TLN2: variants seen among roughly 807,000 people sequenced by gnomAD.
TLN2 encodes talin 2.
In TLN2, 118 loss-of-function variants were observed where a neutral mutation model predicts 294.7. The observed-to-expected ratio is 0.40, with a 90% CI of 0.34 to 0.47. The LOEUF (loss-of-function observed/expected upper bound fraction) is 0.47. Ranked by LOEUF, TLN2 falls within the 20% of genes least tolerant of loss-of-function variation. The pLI, the probability that TLN2 is intolerant of heterozygous loss-of-function variation, is 0.84. For missense variants in TLN2, 3,083 were observed against 3,282.2 expected, an observed-to-expected ratio of 0.94 and a Z score of 1.48; for synonymous variants, 1,431 against 1,304.5, an observed-to-expected ratio of 1.10 and a Z score of -2.09.
chr15:62,648,104 G>A (rs1025968158), intron 4 of TLN2, among the ~76,000 whole-genome samples: 2 of 152,092 alleles, frequency 1.3e-5, no homozygotes, highest in Non-Finnish European at 2.9e-5. Context: ...TTAGGTGAAA[G>A]TCGGATGAAA....
chr15:62,430,191 T>G lies in TLN2; in HGVS notation c.-238+39506T>G, dbSNP rs903830693. Among the ~76,000 whole-genome samples the G allele has an allele frequency of 3.3e-5, 5 of 152,230 alleles. No individual in the cohort carries two copies. In the East Asian group the frequency reaches 9.6e-4, roughly 29 times the overall value. The stretch of plus-strand genomic sequence containing the variant: ...TTGTAAGCTAGCATTTATTGGTGTT[T>G]CAGAGGTGGAAAATTCCATTACAGT... On this transcript the variant is annotated intron_variant, in intron 1 of 58. Transcript: ENST00000636159.
In TLN2 at chr15:62,748,438, GC is replaced by G; in HGVS notation, c.4114del (p.Leu1372SerfsTer4). Reference protein sequence around the residue: ...QKECDNALRELETVKGMLDNP... With the variant: ...QKECDNALREXETVKGMLDNP... ...AAGAGTGCGATAATGCCCTGCGGGAGCTCGAGGTAGGTCCCTGGGAAGGCTG... is the reference window on the plus strand; with the variant it reads ...AAGAGTGCGATAATGCCCTGCGGGAGTCGAGGTAGGTCCCTGGGAAGGCTG... On this transcript the variant is annotated frameshift_variant, in exon 33 of 59. Coordinates refer to ENST00000636159, the MANE Select transcript of TLN2 (RefSeq NM_015059.3). LOFTEE classifies it high-confidence loss of function. 1 of 1,613,354 alleles carries G rather than the reference GC, an allele frequency of 6.2e-7. No individual in the cohort carries two copies.
chr15:62,817,161 A>G (rs1280284672), intron 52 of TLN2, among the ~76,000 whole-genome samples: 1 of 152,178 alleles, frequency 6.6e-6, no homozygotes, highest in Non-Finnish European at 1.5e-5. Context: ...ATGCCTAACT[A>G]AATTGCCTGC....
At position 62,707,072 on chromosome 15, in the gene TLN2, T is replaced by A; in HGVS notation, c.2005-14T>A. On this transcript the variant is annotated splice_polypyrimidine_tract_variant and intron_variant, in intron 19 of 58. Coordinates refer to ENST00000636159, the MANE Select transcript of TLN2 (RefSeq NM_015059.3). ...AGAAAAATAAATGAATAGTCTTTGATTCCCTTTTCTTAGGATGTTTTAATG... is the reference window on the plus strand; with the variant it reads ...AGAAAAATAAATGAATAGTCTTTGAATCCCTTTTCTTAGGATGTTTTAATG... 2 of 1,599,786 alleles carry A rather than the reference T, an allele frequency of 1.3e-6. No homozygotes were observed. The highest frequency in any genetic ancestry group is 3.4e-5 in the Admixed American group (2 of 59,258).
At chr15:62,648,884 A>G (rs866106697) in intron 4 of TLN2, among the ~76,000 whole-genome samples, 5 of 150,198 alleles carry the variant, frequency 3.3e-5, no homozygotes, top group Non-Finnish European at 5.9e-5. Context: ...TCGCTCTGTC[A>G]CTGGAGGCTG....
At chr15:62,817,853 C>G (rs1394289716) in intron 52 of TLN2, among the ~76,000 whole-genome samples, 1 of 132,898 alleles carries the variant, frequency 7.5e-6, no homozygotes, top group African/African-American at 2.9e-5. Flanking sequence ...GAGTCTCACT[C>G]TGTGGTCCAG....
At chr15:62,414,909 T>G (rs1239038781) in intron 1 of TLN2, among the ~76,000 whole-genome samples, 1 of 140,190 alleles carries the variant, frequency 7.1e-6, no homozygotes, top group Non-Finnish European at 1.5e-5. Flanking sequence ...TTTTTATTAT[T>G]TATTTATTTA....
At chr15:62,584,625 G>A (rs2045435777) in intron 1 of TLN2, among the ~76,000 whole-genome samples, 1 of 152,128 alleles carries the variant, frequency 6.6e-6, no homozygotes, top group African/African-American at 2.4e-5. Flanking sequence ...TAGCAGAGCT[G>A]GACTCTAATC....
intron 37 of TLN2, among the ~76,000 whole-genome samples, chr15:62,756,807 A>G (rs990563149): frequency 2.0e-5 from 3 of 152,034 alleles, no homozygotes; most frequent in African/African-American, 7.2e-5. Context: ...AGGAGAGAAC[A>G]CCCAGCCCAG....
chr15:62,536,405 T>A, intron 1 of TLN2, among the ~76,000 whole-genome samples: 1 of 152,238 alleles, frequency 6.6e-6, no homozygotes, highest in Non-Finnish European at 1.5e-5. Flanking sequence ...TTCTGATATC[T>A]TGTTTTTTCT....
chr15:62,490,943 G>C (rs1471566368), intron 1 of TLN2, among the ~76,000 whole-genome samples: 3 of 152,148 alleles, frequency 2.0e-5, no homozygotes, highest in Non-Finnish European at 4.4e-5. Flanking sequence ...CGTTGACATA[G>C]CCTTAGGAGA....
intron 1 of TLN2, among the ~76,000 whole-genome samples, chr15:62,564,925 A>AAAAAAT (rs759679956): frequency 2.0e-4 from 16 of 80,628 alleles, no homozygotes; most frequent in African/African-American, 6.7e-4. Context: ...AAAAAAAAAA[A>AAAAAAT]ATATATATAT....
At chr15:62,490,920 T>G (rs2038669980) in intron 1 of TLN2, among the ~76,000 whole-genome samples, 1 of 152,194 alleles carries the variant, frequency 6.6e-6, no homozygotes, top group South Asian at 2.1e-4. Context: ...TTGCCAAAGT[T>G]AAGGGTACAC....
chr15:62,610,480 C>G (rs897585315), intron 2 of TLN2, among the ~76,000 whole-genome samples: 1 of 152,162 alleles, frequency 6.6e-6, no homozygotes, highest in Admixed American at 6.5e-5. Flanking sequence ...GCTTATTTAA[C>G]ACATGCATTT....
intron 28 of TLN2, chr15:62,734,010 G>A (rs1018008600): frequency 2.6e-5 from 4 of 152,112 alleles, no homozygotes; most frequent in South Asian, 2.1e-4. Context: ...GCCTTCTTTC[G>A]TCCTTTTGAT....
chr15:62,836,131 A>G (rs2141258061), intron 57 of TLN2, 58 bp downstream of exon 57: 2 of 1,541,950 alleles, frequency 1.3e-6, no homozygotes, highest in Non-Finnish European at 1.7e-6. Context: ...AAGTGTCACC[A>G]GAGGGGACAA....
chr15:62,747,142 A>G (rs755937711), intron 32 of TLN2, among the ~76,000 whole-genome samples: 1 of 152,236 alleles, frequency 6.6e-6, no homozygotes, highest in Non-Finnish European at 1.5e-5. Context: ...ACGAATGGCC[A>G]TGACTTTCAA....
intron 1 of TLN2, among the ~76,000 whole-genome samples, chr15:62,498,776 A>G (rs913645418): frequency 3.3e-5 from 5 of 152,102 alleles, no homozygotes; most frequent in African/African-American, 1.2e-4. Flanking sequence ...ATAAATACTA[A>G]TCAGTCACCA....
intron 26 of TLN2, among the ~76,000 whole-genome samples, chr15:62,724,261 A>G (rs2060314273): frequency 6.6e-6 from 1 of 152,242 alleles, no homozygotes; most frequent in South Asian, 2.1e-4. Context: ...CTTGAGTAAT[A>G]GTGGCACATA....
Sources: allele counts gnomAD v4.1 joint callset (sites outside exome capture counted in the v4.1 genomes callset), GRCh38; gene constraint gnomAD v4.1.1; transcripts MANE v1.5; gene names NCBI Gene and HGNC (gene_info 2026-07-23, HGNC 2026-07-21).